MYO6: variants seen among roughly 807,000 people sequenced by gnomAD.
MYO6 encodes myosin VI.
In MYO6, 74 loss-of-function variants were observed where a neutral mutation model predicts 178.7. The observed-to-expected ratio is 0.41, with a 90% CI of 0.34 to 0.50. The LOEUF (loss-of-function observed/expected upper bound fraction) is 0.50, where lower values mean the gene tolerates loss of function less well. Ranked by LOEUF, MYO6 falls within the 20% of genes least tolerant of loss-of-function variation. MYO6 has a pLI of 0.09. For missense variants in MYO6, 1,330 were observed against 1,547.4 expected (o/e 0.86, Z 2.36); for synonymous variants, 477 against 504.6 (o/e 0.95, Z 0.73).
chr6:75,786,771 C>T (rs1315180971), intron 1 of MYO6, among the ~76,000 whole-genome samples: 5 of 152,156 alleles, frequency 3.3e-5, no homozygotes, highest in South Asian at 2.1e-4. Flanking sequence ...CATATACACA[C>T]GTCTTGCACA....
intron 1 of MYO6, among the ~76,000 whole-genome samples, chr6:75,764,892 G>A (rs373877169): frequency 3.3e-5 from 5 of 151,620 alleles, no homozygotes; most frequent in South Asian, 2.1e-4. Context: ...CCAGCTACTC[G>A]GGAGGCTGAG....
intron 10 of MYO6, 133 bp from the exon 11 acceptor site, chr6:75,848,218 G>A (rs1187360014): frequency 1.7e-5 from 14 of 801,848 alleles, no homozygotes; most frequent in African/African-American, 1.0e-4. Flanking sequence ...TTGAATGTTA[G>A]AATAGTAAAG....
rs553287096 is a variant in MYO6 at position 75,909,131 on chromosome 6, C to G, written c.3412+504C>G. On this transcript the variant is annotated intron_variant, in intron 32 of 34. Coordinates refer to ENST00000369977, the MANE Select transcript of MYO6 (RefSeq NM_004999.4). Reference sequence around the variant, plus strand: ...TCTCAAACTGCTGGGCTCAAGCAATCCTCCTGCCTTGGCCTTCCAAAGTGC... The same window carrying G: ...TCTCAAACTGCTGGGCTCAAGCAATGCTCCTGCCTTGGCCTTCCAAAGTGC... Among the ~76,000 whole-genome samples, 14 of 152,332 alleles carry G rather than the reference C, an allele frequency of 9.2e-5. 1 individual carries two copies. In the East Asian group the frequency reaches 2.7e-3, roughly 29 times the overall value.
intron 1 of MYO6, among the ~76,000 whole-genome samples, chr6:75,787,730 CTATATATATATATATATA>C (rs1172801367): frequency 8.6e-5 from 1 of 11,660 alleles, no homozygotes; most frequent in African/African-American, 3.6e-4. Context: ...CTCTCTCTCT[CTATATATATATATATATA>C]TATATATATA....
chr6:75,791,198 G>C (rs545272739), intron 1 of MYO6, among the ~76,000 whole-genome samples: 1 of 152,304 alleles, frequency 6.6e-6, no homozygotes, highest in East Asian at 1.9e-4. Context: ...CTCCCAAAGT[G>C]CTGGGATTAA....
chr6:75,877,163 A>G (rs1304084332), intron 20 of MYO6, among the ~76,000 whole-genome samples: 1 of 151,802 alleles, frequency 6.6e-6, no homozygotes, highest in African/African-American at 2.4e-5. Context: ...TTTAGTAGAG[A>G]TGGGCTTTCT....
chr6:75,871,080 A>C (rs1407535213), intron 19 of MYO6, among the ~76,000 whole-genome samples: 2 of 152,168 alleles, frequency 1.3e-5, no homozygotes, highest in Non-Finnish European at 2.9e-5. Context: ...GTGCCCTGCT[A>C]TAGAGACAAA....
chr6:75,825,497 G>A (rs1050231383), intron 3 of MYO6, among the ~76,000 whole-genome samples: 1 of 152,192 alleles, frequency 6.6e-6, no homozygotes, highest in African/African-American at 2.4e-5. Flanking sequence ...GGAGGCCGAG[G>A]CAGGAGACTC....
intron 1 of MYO6, among the ~76,000 whole-genome samples, chr6:75,765,002 CAA>C (rs957587029): frequency 9.6e-5 from 11 of 114,218 alleles, no homozygotes; most frequent in Admixed American, 1.7e-4. Context: ...CCGTCTCAAA[CAA>C]AAAAAAAAAA....
chr6:75,792,879 G>A (rs952424815), intron 1 of MYO6, among the ~76,000 whole-genome samples: 1 of 152,028 alleles, frequency 6.6e-6, no homozygotes, highest in African/African-American at 2.4e-5. Flanking sequence ...GAACTCCTGG[G>A]CTCAGGTGAT....
intron 30 of MYO6, among the ~76,000 whole-genome samples, chr6:75,903,591 T>A (rs1258232134): frequency 1.3e-5 from 2 of 152,192 alleles, no homozygotes; most frequent in African/African-American, 2.4e-5. Flanking sequence ...TAGATCTTCC[T>A]CCATCCTTTT....
intron 27 of MYO6, 32 bp from the exon 28 acceptor site, chr6:75,892,498 C>T: frequency 6.2e-7 from 1 of 1,613,824 alleles, no homozygotes; most frequent in Non-Finnish European, 8.5e-7. Flanking sequence ...AAGTGAAGAA[C>T]TCTTGGTGAA....
intron 1 of MYO6, among the ~76,000 whole-genome samples, chr6:75,800,259 G>A (rs1769313348): frequency 1.3e-5 from 2 of 152,112 alleles, no homozygotes. Flanking sequence ...AGGTAAGTGA[G>A]TCAACATAAT....
chr6:75,855,228 T>C lies in MYO6; in HGVS notation c.1168T>C (p.Leu390=), dbSNP rs1164605202. 2 of 1,613,604 alleles carry C rather than the reference T, an allele frequency of 1.2e-6. No individual in the cohort carries two copies. Among genetic ancestry groups the C allele is most frequent in the South Asian group, 2.2e-5 (2 of 91,066 alleles). Residue 390 remains leucine, a synonymous_variant, in exon 12 of 35, where the codon TTG becomes CTG. Coordinates refer to ENST00000369977, the MANE Select transcript of MYO6 (RefSeq NM_004999.4). ...GGACCAAGATGATCTTCGAGTAAGT[T>C]TGACCACAAGAGTCATGCTAACAAC... is the stretch of plus-strand genomic sequence containing the variant. ...GLDQDDLRVS[L]TTRVMLTTAG...
chr6:75,822,327 A>G (rs895256119), intron 2 of MYO6, among the ~76,000 whole-genome samples: 2 of 151,980 alleles, frequency 1.3e-5, no homozygotes, highest in African/African-American at 2.4e-5. Context: ...CAAACTCCTG[A>G]CCTCGGATGA....
intron 1 of MYO6, among the ~76,000 whole-genome samples, chr6:75,785,754 T>C (rs1219352794): frequency 2.0e-5 from 3 of 152,000 alleles, no homozygotes; most frequent in Non-Finnish European, 4.4e-5. Context: ...ATAATTTTTG[T>C]ATATGATGTG....
At chr6:75,914,697 A>G in intron 34 of MYO6, 116 bp from the exon 35 acceptor site, 1 of 1,004,130 alleles carries the variant, frequency 1.0e-6, no homozygotes, top group East Asian at 2.5e-5. Context: ...ATCTTAGAGA[A>G]AAAGTCTTAG....
intron 1 of MYO6, among the ~76,000 whole-genome samples, chr6:75,783,478 G>C (rs899404710): frequency 1.1e-4 from 17 of 151,874 alleles, no homozygotes; most frequent in Non-Finnish European, 1.6e-4. Flanking sequence ...TGGCTCACAG[G>C]GTAGAGGTCT....
intron 30 of MYO6, among the ~76,000 whole-genome samples, chr6:75,905,952 A>C (rs1780283041): frequency 6.6e-6 from 1 of 152,234 alleles, no homozygotes; most frequent in Non-Finnish European, 1.5e-5. Context: ...AAAGTGACAT[A>C]TTCTCAGACA....
Sources: allele counts gnomAD v4.1 joint callset (sites outside exome capture counted in the v4.1 genomes callset), GRCh38; gene constraint gnomAD v4.1.1; transcripts MANE v1.5; gene names NCBI Gene and HGNC (gene_info 2026-07-23, HGNC 2026-07-21).